SLC4A8: variants seen among roughly 807,000 people sequenced by gnomAD.
SLC4A8 encodes the protein electroneutral sodium bicarbonate exchanger 1.
SLC4A8 carries 40 observed loss-of-function variants against 125.0 expected under a neutral mutation model. The observed-to-expected ratio is 0.32, with a 90% confidence interval of 0.25 to 0.42. The LOEUF (loss-of-function observed/expected upper bound fraction) is 0.42, where lower values mean the gene tolerates loss of function less well. Ranked by LOEUF, SLC4A8 falls within the 10% of genes least tolerant of loss-of-function variation. The probability of loss-of-function intolerance (pLI) is 1.00; values close to 1 mark genes in which losing one functional copy is unlikely to be tolerated. For synonymous variants in SLC4A8, 456 were observed against 476.0 expected, an observed-to-expected ratio of 0.96 and a Z score of 0.55; for missense variants, 863 against 1,355.1, an observed-to-expected ratio of 0.64 and a Z score of 5.70.
intron 17 of SLC4A8, 69 bp downstream of exon 17, chr12:51,485,969 A>C: frequency 1.1e-6 from 1 of 915,284 alleles, no homozygotes; most frequent in Non-Finnish European, 1.8e-6. Context: ...GTAAATTTCA[A>C]AGGCCTTTTC....
In SLC4A8 at chr12:51,412,971, T is replaced by C. The variant is rs535801999; in HGVS notation, c.-112+21483T>C. Reference sequence around the variant, plus strand: ...CTGGATCACATGGTAGTTCTATTTTTAGTTTTTTAAGGAACCTCCATACTG... The same window carrying C: ...CTGGATCACATGGTAGTTCTATTTTCAGTTTTTTAAGGAACCTCCATACTG... On this transcript the variant is annotated intron_variant, in intron 1 of 24. Transcript: ENST00000358657. 2.6e-4 allele frequency among the ~76,000 whole-genome samples: 34 copies of C among 128,450 alleles called. 1 individual carries two copies. The South Asian group carries it at 7.9e-3, about 30-fold the overall frequency. 84.3% of individuals were successfully genotyped at this position (128,450 alleles called of 152,430 possible).
chr12:51,460,588 C>A (rs993864845), intron 8 of SLC4A8, among the ~76,000 whole-genome samples: 1 of 152,190 alleles, frequency 6.6e-6, no homozygotes, highest in African/African-American at 2.4e-5. Flanking sequence ...CAAGTCTTAT[C>A]TTCTCAGTTC....
At chr12:51,432,055 A>G (rs1279829409) in intron 1 of SLC4A8, among the ~76,000 whole-genome samples, 2 of 152,204 alleles carry the variant, frequency 1.3e-5, no homozygotes, top group Non-Finnish European at 2.9e-5. Context: ...TAAGTGAGGC[A>G]ACATATGTAA....
At position 51,459,922 on chromosome 12, in the gene SLC4A8, GT is replaced by G. The variant is rs767725551; in HGVS notation, c.856-27del. On this transcript the variant is annotated intron_variant, in intron 7 of 24. Transcript: ENST00000453097. Reference sequence around the variant, plus strand: ...CGATATTTAAGGTGGTGGTTCCCAAGTTGTCAGATGTTTCTTTTGGACTTTC... The same window carrying G: ...CGATATTTAAGGTGGTGGTTCCCAAGTGTCAGATGTTTCTTTTGGACTTTC... 5.1e-6 allele frequency: 8 copies of G among 1,584,066 alleles called. No individual in the cohort carries two copies. In the South Asian group the frequency reaches 9.2e-5, roughly 18 times the overall value.
chr12:51,424,045 AAAAAAAAAC>A (rs1948865236), upstream of SLC4A8, among the ~76,000 whole-genome samples: 2 of 35,412 alleles, frequency 5.6e-5, no homozygotes, highest in African/African-American at 1.6e-4. Flanking sequence ...TCCAAAAAAA[AAAAAAAAAC>A]AAAAAAAACA....
intron 11 of SLC4A8, among the ~76,000 whole-genome samples, chr12:51,464,143 T>C (rs1268129308): frequency 6.6e-6 from 1 of 152,176 alleles, no homozygotes; most frequent in African/African-American, 2.4e-5. Flanking sequence ...ATTACAGCCT[T>C]TATCATACTT....
At position 51,489,763 on chromosome 12, in the gene SLC4A8, A is replaced by G. The variant is rs1037003302; in HGVS notation, c.2512A>G (p.Met838Val). ...VAIMLGVCSIMGLPWFVAATV... is the reference protein window; with the variant it reads ...VAIMLGVCSIVGLPWFVAATV... The stretch of plus-strand genomic sequence containing the variant: ...CATCATGCTGGGTGTCTGCTCCATC[A>G]TGGGCCTGCCCTGGTTTGTAGCTGC... Residue 838 changes from methionine (M) to valine (V), a missense_variant, in exon 19 of 25, where the codon ATG becomes GTG. By Grantham distance (21) the Met-to-Val change is conservative (BLOSUM62 1). This residue lies in a region of SLC4A8 where 197 missense variants were observed against 377.7 expected (regional missense o/e 0.52). Coordinates refer to ENST00000453097, the MANE Select transcript of SLC4A8 (RefSeq NM_001039960.3). The G allele has an allele frequency of 1.9e-6, 3 of 1,614,166 alleles. No homozygotes were observed. Among genetic ancestry groups the G allele is most frequent in the Non-Finnish European group, 2.5e-6 (3 of 1,180,024 alleles).
At chr12:51,461,063 T>A in intron 8 of SLC4A8, 141 bp from the exon 9 acceptor site, 1 of 507,954 alleles carries the variant, frequency 2.0e-6, no homozygotes, top group Non-Finnish European at 3.5e-6. Flanking sequence ...TGCTCCTTCA[T>A]TACTGTCTTC....
chr12:51,456,721 T>G (rs1413504997), intron 5 of SLC4A8, among the ~76,000 whole-genome samples: 2 of 152,244 alleles, frequency 1.3e-5, no homozygotes, highest in African/African-American at 4.8e-5. Context: ...TACTGATAAC[T>G]GCTATGTTTA....
chr12:51,482,844 T>A (rs572990456), intron 16 of SLC4A8, among the ~76,000 whole-genome samples: 1 of 152,156 alleles, frequency 6.6e-6, no homozygotes, highest in East Asian at 1.9e-4. Context: ...ACAGAACACC[T>A]CCCAGAAAGC....
In SLC4A8 at chr12:51,444,505, A is replaced by G. The variant is rs147609343; in HGVS notation, c.130+3716A>G. Among the ~76,000 whole-genome samples, 80 of 152,352 alleles carry G rather than the reference A, an allele frequency of 5.3e-4. No individual in the cohort carries two copies. In the East Asian group the frequency reaches 0.014, roughly 27 times the overall value. ...AAGTAAGATTTACCTTACTTCCTAC[A>G]GAACCATTCAAGGCATCTATAGGAT... On this transcript the variant is annotated intron_variant, in intron 2 of 24. Transcript: ENST00000453097.
chr12:51,422,469 T>C (rs1304183698), upstream of SLC4A8, among the ~76,000 whole-genome samples: 1 of 152,166 alleles, frequency 6.6e-6, no homozygotes, highest in African/African-American at 2.4e-5. Context: ...ATCCTCCCAC[T>C]TCAGCTTCCT....
chr12:51,398,053 C>T (rs775079281), intron 1 of SLC4A8, among the ~76,000 whole-genome samples: 1 of 152,090 alleles, frequency 6.6e-6, no homozygotes, highest in Non-Finnish European at 1.5e-5. Context: ...GGATTAAATC[C>T]GTGAGCCACT....
chr12:51,453,729 C>T (rs553114382), intron 5 of SLC4A8, 30 bp downstream of exon 5: 1 of 1,594,056 alleles, frequency 6.3e-7, no homozygotes, highest in East Asian at 2.2e-5. Flanking sequence ...AACAGAGCAA[C>T]TTTCTTATAA....
chr12:51,492,163 G>A (rs1186430408), intron 19 of SLC4A8, among the ~76,000 whole-genome samples: 1 of 152,098 alleles, frequency 6.6e-6, no homozygotes, highest in Non-Finnish European at 1.5e-5. Flanking sequence ...TGGGTGGAAG[G>A]CCTGCATCTG....
At chr12:51,463,472 C>A in intron 10 of SLC4A8, 142 bp from the exon 11 acceptor site, 6 of 515,470 alleles carry the variant, frequency 1.2e-5, no homozygotes, top group Non-Finnish European at 1.4e-5. Flanking sequence ...CAATAAACTG[C>A]ATCAAGTCAG....
chr12:51,457,047 T>C (rs775469912), intron 5 of SLC4A8, among the ~76,000 whole-genome samples: 1 of 152,258 alleles, frequency 6.6e-6, no homozygotes, highest in Non-Finnish European at 1.5e-5. Flanking sequence ...AACTGCTAGA[T>C]GTAAGACCTT....
In SLC4A8 at chr12:51,490,417, G is replaced by A. The variant is rs1951278542; in HGVS notation, c.2700+466G>A. ...AAAAATACAAAAACAAAATTAGCCG[G>A]GTGTGGTGGCAGGTGCCTGTAGTCC... On this transcript the variant is annotated intron_variant, in intron 19 of 24. Coordinates refer to ENST00000453097, the MANE Select transcript of SLC4A8 (RefSeq NM_001039960.3). Among the ~76,000 whole-genome samples the A allele has an allele frequency of 3.9e-5, 6 of 151,966 alleles. No homozygotes were observed. The South Asian group carries it at 1.0e-3, about 26-fold the overall frequency.
intron 2 of SLC4A8, among the ~76,000 whole-genome samples, chr12:51,443,832 T>G (rs139792232): frequency 6.6e-6 from 1 of 152,278 alleles, no homozygotes; most frequent in Non-Finnish European, 1.5e-5. Context: ...GGGTAAGCAG[T>G]GTGCGTGTAC....
Sources: gnomAD v4.1 joint callset for allele counts (sites outside exome capture counted in the v4.1 genomes callset) on GRCh38, gnomAD v4.1.1 for gene constraint, gnomAD v4.1.1 regional missense constraint, MANE v1.5 for transcripts, NCBI Gene and HGNC (gene_info 2026-07-23, HGNC 2026-07-21) for gene names.